The following GRB10 variants were observed in gnomAD, a reference collection of about 807,000 sequenced individuals.
GRB10 encodes growth factor receptor bound protein 10.
Under a neutral mutation model 80.9 loss-of-function variants are expected in GRB10, and 20 were observed. That is an observed-to-expected ratio of 0.25 (90% CI 0.17 to 0.36). GRB10 has a LOEUF of 0.36. GRB10 is among the 10% of genes least tolerant of loss of function. The pLI, the probability that GRB10 is intolerant of heterozygous loss-of-function variation, is 1.00. For missense variants in GRB10, 548 were observed against 747.7 expected (o/e 0.73, Z 3.12); for synonymous variants, 291 against 291.5 (o/e 1.00, Z 0.02).
chr7:50,700,978 T>C (rs1236507043), intron 5 of GRB10, among the ~76,000 whole-genome samples: 1 of 152,268 alleles, frequency 6.6e-6, no homozygotes, highest in Non-Finnish European at 1.5e-5. Context: ...GTTAACACTA[T>C]CACGAATTGA....
chr7:50,700,386 C>G (rs528269877), intron 5 of GRB10, among the ~76,000 whole-genome samples: 20 of 152,112 alleles, frequency 1.3e-4, no homozygotes, highest in Non-Finnish European at 2.8e-4. Context: ...TGCTAACGTG[C>G]TCTTACCATG....
At chr7:50,747,737 T>G (rs1287881775) in intron 3 of GRB10, 1 of 152,140 alleles carries the variant, frequency 6.6e-6, no homozygotes, top group Non-Finnish European at 1.5e-5. Flanking sequence ...ACCCAGGCCT[T>G]GATGGATGCT....
At chr7:50,700,185 C>T (rs1207668850) in intron 5 of GRB10, among the ~76,000 whole-genome samples, 1 of 152,140 alleles carries the variant, frequency 6.6e-6, no homozygotes, top group East Asian at 1.9e-4. Context: ...TAATATCACT[C>T]ATCTGCAAAC....
At chr7:50,654,483 AC>A (rs1454009976) in intron 7 of GRB10, among the ~76,000 whole-genome samples, 2 of 152,160 alleles carry the variant, frequency 1.3e-5, no homozygotes, top group Non-Finnish European at 2.9e-5. Flanking sequence ...CTGTGGGATG[AC>A]CTGGTCAGTT....
At chr7:50,720,106 A>G (rs889247391) in intron 4 of GRB10, among the ~76,000 whole-genome samples, 1 of 152,228 alleles carries the variant, frequency 6.6e-6, no homozygotes, top group African/African-American at 2.4e-5. Context: ...CCACTTTTCC[A>G]GAAACACTAA....
chr7:50,714,816 TA>T (rs2066584116), intron 4 of GRB10, among the ~76,000 whole-genome samples: 1 of 151,938 alleles, frequency 6.6e-6, no homozygotes, highest in South Asian at 2.1e-4. Context: ...ACCTCTACAC[TA>T]AAACCAGAGA....
intron 3 of GRB10, among the ~76,000 whole-genome samples, chr7:50,751,344 A>C (rs1325978385): frequency 6.6e-6 from 1 of 152,200 alleles, no homozygotes; most frequent in Non-Finnish European, 1.5e-5. Flanking sequence ...AACAGCAAAA[A>C]CCTGGAAACA....
chr7:50,650,474 G>A (rs958056782), intron 7 of GRB10, among the ~76,000 whole-genome samples: 1 of 152,124 alleles, frequency 6.6e-6, no homozygotes, highest in Non-Finnish European at 1.5e-5. Flanking sequence ...ATGTGTCAAG[G>A]CACGTCTGCA....
At chr7:50,739,689 T>C (rs111383664) in intron 3 of GRB10, among the ~76,000 whole-genome samples, 6 of 152,326 alleles carry the variant, frequency 3.9e-5, no homozygotes, top group African/African-American at 9.6e-5. Flanking sequence ...AGTTTGAAAA[T>C]AGGGCAGGGC....
chr7:50,736,877 G>GC, intron 3 of GRB10, among the ~76,000 whole-genome samples: 1 of 152,228 alleles, frequency 6.6e-6, no homozygotes, highest in South Asian at 2.1e-4. Context: ...TACACCATAA[G>GC]CAAAAAGCAA....
In GRB10 at chr7:50,618,023, T is replaced by G. The variant is rs752722698; in HGVS notation, c.846+48A>C. 1.4e-5 allele frequency: 20 copies of G among 1,409,378 alleles called. No individual in the cohort carries two copies. In the African/African-American group the frequency reaches 2.7e-4, roughly 19 times the overall value. The allele number at this position is 1,409,378 out of a possible 1,614,324, so 87.3% of individuals were successfully genotyped here. On this transcript the variant is annotated intron_variant, in intron 10 of 18. Coordinates refer to ENST00000401949, the MANE Select transcript of GRB10 (RefSeq NM_001350814.2). Reference sequence around the variant, plus strand: ...TGCTGCCATTCAGTTCCAAGAGGATTTCTATTCAGAAAGTCTATTTCAGCA... The same window carrying G: ...TGCTGCCATTCAGTTCCAAGAGGATGTCTATTCAGAAAGTCTATTTCAGCA...
At chr7:50,732,131 G>T in intron 4 of GRB10, 141 bp downstream of exon 4, 1 of 835,546 alleles carries the variant, frequency 1.2e-6, no homozygotes, top group Non-Finnish European at 2.0e-6. Flanking sequence ...CTGCACCATG[G>T]GACTTGTCAC....
intron 2 of GRB10, among the ~76,000 whole-genome samples, chr7:50,763,695 T>A (rs1226018610): frequency 6.6e-6 from 1 of 152,222 alleles, no homozygotes; most frequent in Non-Finnish European, 1.5e-5. Context: ...TCTCCATTCC[T>A]AACTTTCTCT....
chr7:50,750,588 C>G (rs547986634), intron 3 of GRB10, among the ~76,000 whole-genome samples: 1 of 152,106 alleles, frequency 6.6e-6, no homozygotes, highest in Non-Finnish European at 1.5e-5. Context: ...GAACGCAGTC[C>G]CACAATTCCA....
At chr7:50,628,374 TG>T (rs2053376330) in intron 7 of GRB10, among the ~76,000 whole-genome samples, 1 of 152,188 alleles carries the variant, frequency 6.6e-6, no homozygotes. Flanking sequence ...TTACTTGCTC[TG>T]AACTTTGATT....
rs552993576 is a variant in GRB10 at position 50,604,518 on chromosome 7, C to A, written c.1390-141G>T. 903 of 756,184 alleles carry A rather than the reference C, an allele frequency of 1.2e-3. 9 individuals are homozygous for A. The highest frequency in any genetic ancestry group is 3.1e-4 in the Non-Finnish European group (129 of 415,712). The allele number at this position is 756,184 out of a possible 1,614,324, so 46.8% of individuals were successfully genotyped here. A position where few individuals can be genotyped will look rare whatever the true frequency, so the allele number is the denominator to read the frequency against. On this transcript the variant is annotated intron_variant, in intron 15 of 18. Coordinates refer to ENST00000401949, the MANE Select transcript of GRB10 (RefSeq NM_001350814.2). ...GACCTTGCCCCATCTGAAGACCCCA[C>A]TGACCCCTGAGAACAAAGAGCTCAG...
chr7:50,699,344 C>CT (rs2063846333), intron 5 of GRB10, among the ~76,000 whole-genome samples: 1 of 152,206 alleles, frequency 6.6e-6, no homozygotes, highest in African/African-American at 2.4e-5. Context: ...GAACATGACT[C>CT]TAACAGTTTT....
chr7:50,727,037 T>C (rs2068766638), intron 4 of GRB10: 1 of 152,204 alleles, frequency 6.6e-6, no homozygotes, highest in Non-Finnish European at 1.5e-5. Flanking sequence ...GTCCTCAGCA[T>C]GATGACCAGC....
At chr7:50,651,953 C>G (rs1020426816) in intron 7 of GRB10, among the ~76,000 whole-genome samples, 1 of 152,254 alleles carries the variant, frequency 6.6e-6, no homozygotes, top group Non-Finnish European at 1.5e-5. Flanking sequence ...TGCTGACGAC[C>G]CTCACTGGAC....
Sources: gnomAD v4.1 joint callset for allele counts (sites outside exome capture counted in the v4.1 genomes callset) on GRCh38, gnomAD v4.1.1 for gene constraint, MANE v1.5 for transcripts, NCBI Gene and HGNC (gene_info 2026-07-23, HGNC 2026-07-21) for gene names.